TNNI3K: variants seen among roughly 807,000 people sequenced by gnomAD.
TNNI3K encodes serine/threonine-protein kinase TNNI3K.
In TNNI3K, 140 loss-of-function variants were observed where a neutral mutation model predicts 114.5. That is an observed-to-expected ratio of 1.22 (90% CI 1.07 to 1.41). The LOEUF is 1.41. Ranked by LOEUF, TNNI3K falls within the 40% of genes most tolerant of loss-of-function variation. The pLI is 0.00. For synonymous variants in TNNI3K, 347 were observed against 347.5 expected, an observed-to-expected ratio of 1.00 and a Z score of 0.02; for missense variants, 1,125 against 1,007.6, an observed-to-expected ratio of 1.12 and a Z score of -1.58.
intron 17 of TNNI3K, among the ~76,000 whole-genome samples, chr1:74,386,258 T>A (rs1663474076): frequency 6.6e-6 from 1 of 152,004 alleles, no homozygotes; most frequent in Admixed American, 6.6e-5. Flanking sequence ...AACTAATACA[T>A]CATCAAACAA....
At chr1:74,396,153 C>A (rs560907876) in intron 17 of TNNI3K, among the ~76,000 whole-genome samples, 2 of 152,290 alleles carry the variant, frequency 1.3e-5, no homozygotes, top group Admixed American at 1.3e-4. Flanking sequence ...TCAAACATCT[C>A]ACAAAGTAGA....
intron 21 of TNNI3K, 60 bp from the exon 22 acceptor site, chr1:74,489,129 C>T: frequency 6.8e-7 from 1 of 1,461,536 alleles, no homozygotes; most frequent in Non-Finnish European, 9.4e-7. Context: ...ATTTTAACAT[C>T]CAAAGAGAGT....
At chr1:74,288,822 T>C (rs992545453) in intron 5 of TNNI3K, among the ~76,000 whole-genome samples, 2 of 152,104 alleles carry the variant, frequency 1.3e-5, no homozygotes, top group Non-Finnish European at 2.9e-5. Context: ...ATTAGGTTGG[T>C]TGTGGTAATC....
intron 19 of TNNI3K, chr1:74,439,144 A>T (rs1557565921): frequency 5.9e-6 from 1 of 169,704 alleles, no homozygotes; most frequent in Non-Finnish European, 1.3e-5. Context: ...AGGGAGGAAG[A>T]TGTTTATAGA....
chr1:74,252,350 C>A (rs915347543), intron 4 of TNNI3K, among the ~76,000 whole-genome samples: 1 of 151,964 alleles, frequency 6.6e-6, no homozygotes, highest in Non-Finnish European at 1.5e-5. Context: ...AATTTAGATT[C>A]TTGGGAAACA....
intron 5 of TNNI3K, among the ~76,000 whole-genome samples, chr1:74,313,769 T>C (rs1426566889): frequency 6.6e-6 from 1 of 152,096 alleles, no homozygotes; most frequent in Non-Finnish European, 1.5e-5. Context: ...GTGTTGATGC[T>C]TTAATCTTAG....
rs60688934 is a variant in TNNI3K at position 74,543,064 on chromosome 1, C to CTTTTTTTTTTTTTT, written c.2432-826_2432-813dup. On this transcript the variant is annotated intron_variant, in intron 24 of 24. Coordinates refer to ENST00000326637, the MANE Select transcript of TNNI3K (RefSeq NM_015978.3). ...CTTTTCCTTTTCTTTTTCTTTTTCC[C>CTTTTTTTTTTTTTT]TTTTTTTTTTTTTTTTTTTTTTTTT... Among the ~76,000 whole-genome samples the CTTTTTTTTTTTTTT allele has an allele frequency of 4.7e-3, 32 of 6,748 alleles. 8 individuals carry two copies. Among genetic ancestry groups the CTTTTTTTTTTTTTT allele is most frequent in the East Asian group, 6.5e-3 (2 of 306 alleles). The allele number at this position is 6,748 out of a possible 152,430, so 4.4% of individuals were successfully genotyped here.
chr1:74,291,099 G>A (rs1557478031), intron 5 of TNNI3K, among the ~76,000 whole-genome samples: 1 of 151,470 alleles, frequency 6.6e-6, no homozygotes, highest in African/African-American at 2.4e-5. Flanking sequence ...TAGTTCCCCG[G>A]AGAATCTTCA....
intron 11 of TNNI3K, among the ~76,000 whole-genome samples, chr1:74,354,772 A>C (rs1661568008): frequency 6.6e-6 from 1 of 152,196 alleles, no homozygotes; most frequent in African/African-American, 2.4e-5. Flanking sequence ...CTACTTTATA[A>C]GATTGTAAAG....
intron 5 of TNNI3K, among the ~76,000 whole-genome samples, chr1:74,274,591 A>C (rs574686807): frequency 6.0e-4 from 91 of 152,132 alleles, no homozygotes; most frequent in Non-Finnish European, 1.1e-3. Context: ...CAAAATAAAT[A>C]TGCAGAAAAA....
intron 5 of TNNI3K, among the ~76,000 whole-genome samples, chr1:74,314,813 G>A (rs75698878): frequency 6.6e-5 from 10 of 152,160 alleles, no homozygotes; most frequent in African/African-American, 1.7e-4. Flanking sequence ...TTAGATAATA[G>A]TGAAGAGACA....
chr1:74,324,060 G>C (rs1203190229), intron 5 of TNNI3K, among the ~76,000 whole-genome samples: 5 of 152,190 alleles, frequency 3.3e-5, no homozygotes, highest in Admixed American at 3.3e-4. Flanking sequence ...GTCATAATTT[G>C]GTCTTGAGGT....
chr1:74,259,208 A>G (rs1230788630), intron 4 of TNNI3K, among the ~76,000 whole-genome samples: 3 of 152,196 alleles, frequency 2.0e-5, no homozygotes, highest in African/African-American at 2.4e-5. Context: ...CAAAAGTCCC[A>G]CGATCTTCCG....
At chr1:74,493,120 T>C (rs1331476739) in intron 23 of TNNI3K, among the ~76,000 whole-genome samples, 2 of 152,086 alleles carry the variant, frequency 1.3e-5, no homozygotes, top group Admixed American at 1.3e-4. Flanking sequence ...TTTCAACATA[T>C]GAATTTGAGG....
chr1:74,519,107 C>T (rs571967104), intron 23 of TNNI3K, among the ~76,000 whole-genome samples: 1 of 93,410 alleles, frequency 1.1e-5, no homozygotes, highest in East Asian at 2.8e-4. Flanking sequence ...TGTTCAATTC[C>T]CACCTATGAG....
chr1:74,431,049 C>G (rs1665873702), intron 17 of TNNI3K, among the ~76,000 whole-genome samples: 1 of 152,136 alleles, frequency 6.6e-6, no homozygotes, highest in South Asian at 2.1e-4. Flanking sequence ...GTTGTACAGA[C>G]ATGCTGTAAG....
intron 9 of TNNI3K, among the ~76,000 whole-genome samples, chr1:74,349,657 T>A (rs915636736): frequency 4.6e-5 from 7 of 152,242 alleles, no homozygotes; most frequent in African/African-American, 1.7e-4. Flanking sequence ...GAGCCTGTTA[T>A]TTGTCTATTC....
intron 5 of TNNI3K, among the ~76,000 whole-genome samples, chr1:74,288,352 AC>A: frequency 6.6e-6 from 1 of 152,250 alleles, no homozygotes; most frequent in East Asian, 1.9e-4. Flanking sequence ...CAACCAATCA[AC>A]CTAAGTGTCC....
chr1:74,479,054 CAATT>C lies in TNNI3K; in HGVS notation c.2122-10130_2122-10127del, dbSNP rs1433060873. Among the ~76,000 whole-genome samples the C allele has an allele frequency of 2.6e-5, 4 of 152,276 alleles. No individual in the cohort carries two copies. In the East Asian group the frequency reaches 7.7e-4, roughly 29 times the overall value. On this transcript the variant is annotated intron_variant, in intron 21 of 24. Transcript: ENST00000326637. ...AATTGTCAGGAAGTAAAAATACAAT[CAATT>C]AATTCACTAGATAACTGTTACAGAA...
Sources: allele counts gnomAD v4.1 joint callset (sites outside exome capture counted in the v4.1 genomes callset), GRCh38; gene constraint gnomAD v4.1.1; transcripts MANE v1.5; gene names NCBI Gene and HGNC (gene_info 2026-07-23, HGNC 2026-07-21).